Variants in PTBP3 observed in about 807,000 individuals in gnomAD.
PTBP3 encodes polypyrimidine tract-binding protein 3.
A neutral mutation model predicts 58.7 loss-of-function variants in PTBP3; 20 were observed. The observed-to-expected ratio is 0.34, with a 90% CI of 0.24 to 0.50. The LOEUF is 0.50. PTBP3 is among the 20% of genes least tolerant of loss of function. The pLI is 0.98. For missense variants in PTBP3, 509 were observed against 637.2 expected, an observed-to-expected ratio of 0.80 and a Z score of 2.17; for synonymous variants, 185 against 219.8, an observed-to-expected ratio of 0.84 and a Z score of 1.40.
chr9:112,235,241 T>A (rs546888733), intron 7 of PTBP3, among the ~76,000 whole-genome samples: 1 of 151,450 alleles, frequency 6.6e-6, no homozygotes, highest in Admixed American at 6.6e-5. Flanking sequence ...TATGCTGATT[T>A]AAAAAAAAAT....
chr9:112,320,299 TATATATATATATA>T (rs1829878704), intron 1 of PTBP3, among the ~76,000 whole-genome samples: 1 of 50,970 alleles, frequency 2.0e-5, no homozygotes, highest in African/African-American at 1.5e-4. Flanking sequence ...AAAATATATA[TATATATATATATA>T]TATTTTTTTT....
At chr9:112,248,966 G>C (rs2132065448) in intron 7 of PTBP3, among the ~76,000 whole-genome samples, 1 of 152,160 alleles carries the variant, frequency 6.6e-6, no homozygotes, top group East Asian at 1.9e-4. Flanking sequence ...GTATGAATAT[G>C]GATGAATCAC....
chr9:112,372,502 AG>A, the PTBP3 span, among the ~76,000 whole-genome samples: 3 of 152,200 alleles, frequency 2.0e-5, no homozygotes, highest in African/African-American at 7.2e-5. Flanking sequence ...ACCTCTATCT[AG>A]TCCCATAACA....
At chr9:112,343,976 C>A in the PTBP3 span, among the ~76,000 whole-genome samples, 34 of 152,046 alleles carry the variant, frequency 2.2e-4, no homozygotes, top group African/African-American at 7.2e-4. Flanking sequence ...TATTGGTTTG[C>A]AGGAGCTACA....
the PTBP3 span, among the ~76,000 whole-genome samples, chr9:112,368,239 C>T: frequency 6.1e-4 from 93 of 152,306 alleles, no homozygotes; most frequent in Non-Finnish European, 1.0e-3. Context: ...GGTGCAACCT[C>T]GGCTCACTGC....
At chr9:112,289,132 C>T (rs975897092) in intron 2 of PTBP3, among the ~76,000 whole-genome samples, 8 of 152,258 alleles carry the variant, frequency 5.3e-5, no homozygotes, top group East Asian at 3.9e-4. Flanking sequence ...AAATGATACG[C>T]GCTGCTTTTC....
chr9:112,248,840 A>C (rs549932957), intron 7 of PTBP3, among the ~76,000 whole-genome samples: 47 of 152,202 alleles, frequency 3.1e-4, no homozygotes, highest in Non-Finnish European at 5.7e-4. Context: ...GCATCAAACT[A>C]AAACAACCAA....
intron 2 of PTBP3, among the ~76,000 whole-genome samples, chr9:112,291,998 GCTA>G (rs1265524285): frequency 1.4e-4 from 22 of 152,142 alleles, no homozygotes; most frequent in Admixed American, 9.8e-4. Context: ...TACATAAAGA[GCTA>G]CTACAACTCA....
intron 3 of PTBP3, among the ~76,000 whole-genome samples, chr9:112,270,270 C>T (rs987493758): frequency 6.6e-6 from 1 of 152,126 alleles, no homozygotes; most frequent in Non-Finnish European, 1.5e-5. Flanking sequence ...TTCCAATTAA[C>T]ACCCATGTTA....
chr9:112,239,394 C>T (rs10759540), intron 7 of PTBP3, among the ~76,000 whole-genome samples: 84,705 of 151,898 alleles, frequency 0.56, 25,349 homozygotes, highest in African/African-American at 0.8. Context: ...ACACAGAATA[C>T]GCAATAAGTT....
intron 3 of PTBP3, among the ~76,000 whole-genome samples, chr9:112,273,091 T>A (rs181038936): frequency 1.3e-5 from 2 of 152,256 alleles, no homozygotes; most frequent in Admixed American, 1.3e-4. Context: ...AGTGAACCAA[T>A]GAAATGCTCC....
At chr9:112,363,516 TCACACACACACA>T in the PTBP3 span, among the ~76,000 whole-genome samples, 542 of 134,862 alleles carry the variant, frequency 4.0e-3, 3 homozygotes, top group Non-Finnish European at 6.5e-3. Flanking sequence ...AGCAAAACTG[TCACACACACACA>T]CACACACACA....
intron 2 of PTBP3, among the ~76,000 whole-genome samples, chr9:112,284,653 G>A (rs1262584973): frequency 6.6e-6 from 1 of 152,146 alleles, no homozygotes; most frequent in East Asian, 1.9e-4. Flanking sequence ...CCAAGATCGT[G>A]CCACTGCATT....
At chr9:112,320,291 A>AAAATATATATATAT (rs1411646280) in intron 1 of PTBP3, among the ~76,000 whole-genome samples, 24 of 73,492 alleles carry the variant, frequency 3.3e-4, no homozygotes, top group East Asian at 3.2e-3. Context: ...AAAAAAAAAA[A>AAAATATATATATAT]ATATATATAT....
At chr9:112,320,467 T>A (rs1410197437) in intron 1 of PTBP3, among the ~76,000 whole-genome samples, 1 of 151,422 alleles carries the variant, frequency 6.6e-6, no homozygotes, top group African/African-American at 2.4e-5. Flanking sequence ...AAACACATTT[T>A]AAAAAATAAA....
chr9:112,277,846 CCTGTCTCAAATTTTGAGACT>C (rs763549339), intron 2 of PTBP3, among the ~76,000 whole-genome samples: 73 of 151,684 alleles, frequency 4.8e-4, no homozygotes, highest in African/African-American at 1.3e-3. Context: ...ACTTGCACTC[CCTGTCTCAAATTTTGAGACT>C]CTGTCTCAAA....
In PTBP3 at chr9:112,221,053, A is replaced by G. The variant is rs1348596611; in HGVS notation, c.*2798T>C. 2.0e-6 allele frequency: 2 copies of G among 982,536 alleles called. No homozygotes were observed. The highest frequency in any genetic ancestry group is 1.7e-5 in the African/African-American group (1 of 57,156). 60.9% of individuals were successfully genotyped at this position (982,536 alleles called of 1,614,324 possible). ...AACACAAATACTGTAGACCTCTATA[A>G]TTCAAACAGCAAATAGCTTAATATG... On this transcript the variant is annotated 3_prime_UTR_variant, in exon 14 of 14. Coordinates refer to ENST00000374257, the MANE Select transcript of PTBP3 (RefSeq NM_001163788.4).
At chr9:112,246,265 A>C (rs892113773) in intron 7 of PTBP3, among the ~76,000 whole-genome samples, 1 of 152,052 alleles carries the variant, frequency 6.6e-6, no homozygotes, top group Admixed American at 6.5e-5. Context: ...TTACAGATGT[A>C]AGCCACCGCA....
At chr9:112,332,360 G>C (rs1282338255) in intron 1 of PTBP3, among the ~76,000 whole-genome samples, 1 of 127,030 alleles carries the variant, frequency 7.9e-6, no homozygotes, top group Non-Finnish European at 1.6e-5. Flanking sequence ...ATCTAATGAG[G>C]TCAAAAGCTG....
Sources: allele counts gnomAD v4.1 joint callset (sites outside exome capture counted in the v4.1 genomes callset), GRCh38; gene constraint gnomAD v4.1.1; transcripts MANE v1.5; gene names NCBI Gene and HGNC (gene_info 2026-07-23, HGNC 2026-07-21).